The following ITGA9 variants were observed in gnomAD, a reference collection of about 807,000 sequenced individuals.
The protein encoded by ITGA9 is integrin alpha-9.
In ITGA9, 56 loss-of-function variants were observed where a neutral mutation model predicts 127.8. The observed-to-expected ratio is 0.44, with a 90% CI of 0.35 to 0.55. ITGA9 has a LOEUF of 0.55. Ranked by LOEUF, ITGA9 falls within the 20% of genes least tolerant of loss-of-function variation. The pLI is 0.00. For missense variants in ITGA9, 1,196 were observed against 1,347.1 expected (o/e 0.89, Z 1.76); for synonymous variants, 508 against 514.5 (o/e 0.99, Z 0.17).
intron 18 of ITGA9, among the ~76,000 whole-genome samples, chr3:37,695,989 T>G (rs1700881436): frequency 1.3e-5 from 2 of 152,178 alleles, no homozygotes. Context: ...ATGGTGCTTT[T>G]TGGTTTCCGC....
chr3:37,467,063 C>A (rs1245900413), intron 1 of ITGA9, among the ~76,000 whole-genome samples: 1 of 152,190 alleles, frequency 6.6e-6, no homozygotes, highest in Non-Finnish European at 1.5e-5. Context: ...AAAAGACTCA[C>A]TCATGGGCTG....
intron 15 of ITGA9, among the ~76,000 whole-genome samples, chr3:37,594,716 C>G (rs1699852724): frequency 6.6e-6 from 1 of 152,136 alleles, no homozygotes; most frequent in African/African-American, 2.4e-5. Flanking sequence ...AACATTGATA[C>G]AGTGCTAACA....
At chr3:37,458,381 A>G (rs1281835386) in intron 1 of ITGA9, among the ~76,000 whole-genome samples, 2 of 152,188 alleles carry the variant, frequency 1.3e-5, no homozygotes, top group Admixed American at 6.5e-5. Flanking sequence ...TGAAAGACAA[A>G]TGGGGAAGTT....
chr3:37,454,059 A>G (rs1226437616), intron 1 of ITGA9, among the ~76,000 whole-genome samples: 1 of 152,164 alleles, frequency 6.6e-6, no homozygotes, highest in Non-Finnish European at 1.5e-5. Context: ...AGATCCCCAC[A>G]CTAGGCACCA....
chr3:37,700,670 T>A (rs553711381), intron 18 of ITGA9, among the ~76,000 whole-genome samples: 1 of 152,326 alleles, frequency 6.6e-6, no homozygotes, highest in East Asian at 1.9e-4. Context: ...TTTTATTCAT[T>A]GATTCATACC....
At chr3:37,538,584 G>A (rs78210776) in intron 14 of ITGA9, among the ~76,000 whole-genome samples, 7,761 of 152,300 alleles carry the variant, frequency 0.051, 266 homozygotes, top group East Asian at 0.093. Flanking sequence ...AACTTGGACA[G>A]CCTGATCCAC....
intron 15 of ITGA9, among the ~76,000 whole-genome samples, chr3:37,609,450 G>A (rs916181723): frequency 6.6e-6 from 1 of 152,312 alleles, no homozygotes; most frequent in African/African-American, 2.4e-5. Context: ...TCTATTGAAT[G>A]ACTGAAGTAG....
At chr3:37,786,131 G>A (rs1162399880) in intron 26 of ITGA9, among the ~76,000 whole-genome samples, 1 of 152,226 alleles carries the variant, frequency 6.6e-6, no homozygotes, top group African/African-American at 2.4e-5. Flanking sequence ...GCTGTGCAAT[G>A]ATGCTACCTG....
intron 23 of ITGA9, among the ~76,000 whole-genome samples, chr3:37,757,524 G>A (rs1696667065): frequency 6.6e-6 from 1 of 151,606 alleles, no homozygotes; most frequent in Non-Finnish European, 1.5e-5. Flanking sequence ...AATTAGCCAG[G>A]CATGTGGCAT....
At chr3:37,751,096 G>A (rs1265431023) in intron 23 of ITGA9, among the ~76,000 whole-genome samples, 1 of 152,282 alleles carries the variant, frequency 6.6e-6, no homozygotes, top group Non-Finnish European at 1.5e-5. Flanking sequence ...TGGAGGTTCA[G>A]AAAACATTGT....
chr3:37,777,550 G>T, intron 24 of ITGA9, 33 bp downstream of exon 24: 1 of 1,612,724 alleles, frequency 6.2e-7, no homozygotes, highest in Non-Finnish European at 8.5e-7. Context: ...GGGTAACACG[G>T]GTGGTCCTCA....
chr3:37,692,408 AGAGAGTGT>A (rs1487312667), intron 18 of ITGA9, among the ~76,000 whole-genome samples: 3 of 137,706 alleles, frequency 2.2e-5, no homozygotes, highest in African/African-American at 1.0e-4. Context: ...TGAGAGAGAG[AGAGAGTGT>A]GTGTGTGTGT....
chr3:37,809,174 C>G lies in ITGA9; in HGVS notation c.3009+5232C>G, dbSNP rs548809632. ...GATCTTGACTCACTGCAACCTCCAC[C>G]TCTTGGGTTCAAGAGATTCTCCTAC... On this transcript the variant is annotated intron_variant, in intron 27 of 27. Transcript: ENST00000264741. Among the ~76,000 whole-genome samples the G allele has an allele frequency of 2.6e-5, 4 of 151,724 alleles. No homozygotes were observed. The South Asian group carries it at 8.4e-4, about 32-fold the overall frequency.
chr3:37,708,578 A>T (rs184921393), intron 18 of ITGA9, among the ~76,000 whole-genome samples: 2 of 34,492 alleles, frequency 5.8e-5, no homozygotes, highest in Admixed American at 5.8e-4. Context: ...ACTTTTGGAG[A>T]AATTTTTGGT....
At chr3:37,618,741 G>C (rs1278873157) in intron 15 of ITGA9, among the ~76,000 whole-genome samples, 1 of 152,220 alleles carries the variant, frequency 6.6e-6, no homozygotes, top group African/African-American at 2.4e-5. Context: ...AAGGCTCCGT[G>C]GGCGTAGGAC....
At chr3:37,800,042 G>A (rs139837565) in intron 26 of ITGA9, among the ~76,000 whole-genome samples, 4 of 152,322 alleles carry the variant, frequency 2.6e-5, no homozygotes, top group African/African-American at 7.2e-5. Context: ...CATGGAGCAC[G>A]CATCCAAGGG....
intron 22 of ITGA9, chr3:37,749,029 C>T (rs1696546962): frequency 4.7e-6 from 2 of 427,730 alleles, no homozygotes; most frequent in Non-Finnish European, 4.1e-6. Flanking sequence ...ATTACTACAA[C>T]ATTTGTGGCT....
chr3:37,760,345 A>T (rs907654275), intron 23 of ITGA9, among the ~76,000 whole-genome samples: 1 of 152,228 alleles, frequency 6.6e-6, no homozygotes, highest in Non-Finnish European at 1.5e-5. Flanking sequence ...GAGCTGACAC[A>T]GAATCAGTGA....
At chr3:37,673,280 G>A (rs1391792452) in intron 17 of ITGA9, among the ~76,000 whole-genome samples, 3 of 152,120 alleles carry the variant, frequency 2.0e-5, no homozygotes, top group African/African-American at 7.2e-5. Context: ...ATTCCAAGCT[G>A]AGAGTAATGG....
Sources: allele counts gnomAD v4.1 joint callset (sites outside exome capture counted in the v4.1 genomes callset), GRCh38; gene constraint gnomAD v4.1.1; transcripts MANE v1.5; gene names NCBI Gene and HGNC (gene_info 2026-07-23, HGNC 2026-07-21).